The following USP44 variants were observed in gnomAD, a reference collection of about 807,000 sequenced individuals.
USP44 encodes ubiquitin specific peptidase 44.
USP44 carries 61 observed loss-of-function variants against 69.0 expected under a neutral mutation model. The observed-to-expected ratio is 0.88, with a 90% CI of 0.72 to 1.09. The LOEUF (loss-of-function observed/expected upper bound fraction) is 1.09, where lower values mean the gene tolerates loss of function less well. Ranked by LOEUF, USP44 falls within the 50% of genes least tolerant of loss-of-function variation. The probability of loss-of-function intolerance (pLI) is 0.00; values close to 1 mark genes in which losing one functional copy is unlikely to be tolerated. For missense variants in USP44, 753 were observed against 849.9 expected, an observed-to-expected ratio of 0.89 and a Z score of 1.42; for synonymous variants, 297 against 295.4, an observed-to-expected ratio of 1.01 and a Z score of -0.06.
intron 1 of USP44, among the ~76,000 whole-genome samples, chr12:95,539,967 A>C (rs958117941): frequency 1.3e-5 from 2 of 152,146 alleles, no homozygotes; most frequent in Non-Finnish European, 2.9e-5. Context: ...CACAGTGAGG[A>C]CTCTCTGAAA....
At chr12:95,530,112 A>T (rs2076972311) in intron 2 of USP44, among the ~76,000 whole-genome samples, 2 of 152,258 alleles carry the variant, frequency 1.3e-5, no homozygotes, top group Non-Finnish European at 2.9e-5. Flanking sequence ...TATGATATGA[A>T]ATATTATAAA....
At chr12:95,519,432 A>ACTTTTTTTTT (rs199606254) in intron 5 of USP44, among the ~76,000 whole-genome samples, 2 of 84,544 alleles carry the variant, frequency 2.4e-5, no homozygotes, top group Non-Finnish European at 2.2e-5. Context: ...CTCAATCTGT[A>ACTTTTTTTTT]TTTTTTTTTT....
intron 1 of USP44, among the ~76,000 whole-genome samples, chr12:95,543,257 C>T (rs1405734734): frequency 6.6e-6 from 1 of 150,886 alleles, no homozygotes; most frequent in African/African-American, 2.4e-5. Context: ...AAAAATTAGC[C>T]GGGCGTGGTG....
chr12:95,529,873 T>C (rs1054875969), intron 2 of USP44, among the ~76,000 whole-genome samples: 9 of 152,194 alleles, frequency 5.9e-5, no homozygotes, highest in Non-Finnish European at 8.8e-5. Context: ...AGACAAGATA[T>C]ATGACATAAA....
Position 95,518,040 on chromosome 12 carries a change from T to A in USP44, c.*114A>T. On this transcript the variant is annotated 3_prime_UTR_variant, in exon 6 of 6. Coordinates refer to ENST00000258499, the MANE Select transcript of USP44 (RefSeq NM_032147.5). ...AAAAAAAAAATTGTTAGATATAAAA[T>A]GTATAAATGTAGTATACACTGATTC... 9.0e-7 allele frequency: 1 copy of A among 1,107,920 alleles called. No homozygotes were observed. The highest frequency in any genetic ancestry group is 1.3e-6 in the Non-Finnish European group (1 of 794,750). 68.6% of individuals were successfully genotyped at this position (1,107,920 alleles called of 1,614,324 possible). A position where few individuals can be genotyped will look rare whatever the true frequency, so the allele number is the denominator to read the frequency against.
In USP44 at chr12:95,518,271, A is replaced by C. The variant is rs1294740435; in HGVS notation, c.2022T>G (p.Phe674Leu). 3.1e-6 allele frequency: 5 copies of C among 1,614,196 alleles called. No individual in the cohort carries two copies. The Admixed American group carries it at 5.0e-5, about 16-fold the overall frequency. Residue 674 changes from phenylalanine to leucine, a missense_variant, in exon 6 of 6, where the codon TTT becomes TTG. Coordinates refer to ENST00000258499, the MANE Select transcript of USP44 (RefSeq NM_032147.5). ...EVCKAQAYIL[F>L]YTQRVTENGH... ...CATTCTCAGTAACTCGTTGGGTATA[A>C]AACAAGATATAAGCTTGAGCCTTGC...
chr12:95,550,224 G>A (rs1402773141), intron 1 of USP44, among the ~76,000 whole-genome samples: 1 of 147,402 alleles, frequency 6.8e-6, no homozygotes, highest in Admixed American at 6.8e-5. Flanking sequence ...AACACAGGAA[G>A]TTCTTATGTT....
chr12:95,532,943 T>C lies in USP44; in HGVS notation c.1314A>G (p.Glu438=), dbSNP rs1360201421. ...GTAAACTGGTACCAGTTGTCTCTAA[T>C]TCACGTTGTATTTTATCTAAAAGTT... The part of the protein sequence containing the change: ...LCELLDKIQR[E]LETTGTSLPA... Residue 438 remains glutamate (E), a synonymous_variant, in exon 2 of 6, where the codon GAA becomes GAG. Coordinates refer to ENST00000258499, the MANE Select transcript of USP44 (RefSeq NM_032147.5). The C allele has an allele frequency of 4.3e-6, 7 of 1,614,084 alleles. No homozygotes were observed. Among genetic ancestry groups the C allele is most frequent in the Non-Finnish European group, 5.9e-6 (7 of 1,180,040 alleles).
chr12:95,526,619 G>A (rs568993999), intron 3 of USP44, among the ~76,000 whole-genome samples: 38 of 152,168 alleles, frequency 2.5e-4, no homozygotes, highest in African/African-American at 8.9e-4. Context: ...TACTTTATGC[G>A]TTCACATTAG....
chr12:95,524,230 G>A (rs918147024), intron 4 of USP44, among the ~76,000 whole-genome samples: 4 of 151,834 alleles, frequency 2.6e-5, no homozygotes, highest in Non-Finnish European at 4.4e-5. Flanking sequence ...ACAGGCATGC[G>A]CCACCATGCC....
rs572135316 is a variant in USP44 at position 95,526,426 on chromosome 12, G to GC, written c.1625-1639dup. 3.5e-4 allele frequency among the ~76,000 whole-genome samples: 53 copies of GC among 152,220 alleles called. 1 individual carries two copies. In the East Asian group the frequency reaches 9.3e-3, roughly 27 times the overall value. On this transcript the variant is annotated intron_variant, in intron 3 of 5. Coordinates refer to ENST00000258499, the MANE Select transcript of USP44 (RefSeq NM_032147.5). ...TCTCTACTAAAAATACAAAAAATTA[G>GC]CCAGGCGTGGTGGCGGGCGCCTGTA...
At chr12:95,532,073 G>A (rs768533042) in intron 2 of USP44, among the ~76,000 whole-genome samples, 1 of 151,722 alleles carries the variant, frequency 6.6e-6, no homozygotes, top group African/African-American at 2.4e-5. Flanking sequence ...AAAGCTCTCA[G>A]ACCATGACCC....
Position 95,521,055 on chromosome 12 carries a change from G to A in USP44, c.1881C>T (p.His627=). 1 of 1,614,092 alleles carries A rather than the reference G, an allele frequency of 6.2e-7. No homozygotes were observed. Among genetic ancestry groups the A allele is most frequent in the East Asian group, 2.2e-5 (1 of 44,868 alleles). Residue 627 remains histidine, a synonymous_variant, in exon 5 of 6, where the codon CAC becomes CAT. Transcript: ENST00000258499. Reference sequence around the variant, plus strand: ...GCCCTGAGCCAAATCCTTTCCCATGGTGCATCACCACCGCGGACAAGTCAT... The same window carrying A: ...GCCCTGAGCCAAATCCTTTCCCATGATGCATCACCACCGCGGACAAGTCAT... ...FIYDLSAVVM[H]HGKGFGSGHY...
At chr12:95,530,156 A>G (rs1402611509) in intron 2 of USP44, among the ~76,000 whole-genome samples, 1 of 152,268 alleles carries the variant, frequency 6.6e-6, no homozygotes, top group Non-Finnish European at 1.5e-5. Context: ...GTCCTGGCAC[A>G]GGCAACAAAA....
At chr12:95,541,199 C>G (rs2077378058) in intron 1 of USP44, among the ~76,000 whole-genome samples, 1 of 152,136 alleles carries the variant, frequency 6.6e-6, no homozygotes, top group South Asian at 2.1e-4. Flanking sequence ...TTGCTTGCAC[C>G]TGGGAGACGG....
chr12:95,549,152 C>T (rs1168758885), intron 1 of USP44, among the ~76,000 whole-genome samples: 7 of 152,266 alleles, frequency 4.6e-5, no homozygotes, highest in African/African-American at 7.2e-5. Context: ...CCTGGAATTT[C>T]TGCGATTTAC....
At position 95,545,190 on chromosome 12, in the gene USP44, A is replaced by G. The variant is rs142613467; in HGVS notation, c.-71+6082T>C. Among the ~76,000 whole-genome samples the G allele has an allele frequency of 8.5e-5, 13 of 152,280 alleles. No individual in the cohort carries two copies. In the East Asian group the frequency reaches 2.1e-3, roughly 25 times the overall value. Reference sequence around the variant, plus strand: ...ATTCATATTTTACAGGAACACATATACATTCTAACTCTATTAAAGAAAGAA... The same window carrying G: ...ATTCATATTTTACAGGAACACATATGCATTCTAACTCTATTAAAGAAAGAA... On this transcript the variant is annotated intron_variant, in intron 1 of 5. Coordinates refer to ENST00000258499, the MANE Select transcript of USP44 (RefSeq NM_032147.5).
At position 95,517,861 on chromosome 12, in the gene USP44, T is replaced by C. The variant is rs2076524376; in HGVS notation, c.*293A>G. 1 of 244,202 alleles carries C rather than the reference T, an allele frequency of 4.1e-6. No individual in the cohort carries two copies. The highest frequency in any genetic ancestry group is 2.3e-5 in the African/African-American group (1 of 44,334). 15.1% of individuals were successfully genotyped at this position (244,202 alleles called of 1,614,324 possible). A position where few individuals can be genotyped will look rare whatever the true frequency, so the allele number is the denominator to read the frequency against. The stretch of plus-strand genomic sequence containing the variant: ...ATAAAATGATGCCACTTGAACTTTG[T>C]TGGTAGAAGATTGCACAAGTTCATC... On this transcript the variant is annotated 3_prime_UTR_variant, in exon 6 of 6. Coordinates refer to ENST00000258499, the MANE Select transcript of USP44 (RefSeq NM_032147.5).
intron 5 of USP44, among the ~76,000 whole-genome samples, chr12:95,520,008 A>C (rs1442856610): frequency 2.3e-5 from 1 of 44,390 alleles, no homozygotes; most frequent in Non-Finnish European, 3.7e-5. Context: ...ACTCTGTCTC[A>C]AAAAAAAAAA....
Sources: allele counts gnomAD v4.1 joint callset (sites outside exome capture counted in the v4.1 genomes callset), GRCh38; gene constraint gnomAD v4.1.1; transcripts MANE v1.5; gene names NCBI Gene and HGNC (gene_info 2026-07-23, HGNC 2026-07-21).